CTDSP2: variants seen among roughly 807,000 people sequenced by gnomAD.
The protein encoded by CTDSP2 is CTD small phosphatase 2, also known as carboxy-terminal domain RNA polymerase II polypeptide A small phosphatase 2.
CTDSP2 carries 9 observed loss-of-function variants against 31.6 expected under a neutral mutation model. That is an observed-to-expected ratio of 0.28 (90% CI 0.17 to 0.50). CTDSP2 has a LOEUF of 0.50. Ranked by LOEUF, CTDSP2 falls within the 20% of genes least tolerant of loss-of-function variation. CTDSP2 has a pLI of 0.98. For missense variants in CTDSP2, 267 were observed against 348.5 expected (o/e 0.77, Z 1.86); for synonymous variants, 134 against 134.5 (o/e 1.00, Z 0.03).
intron 5 of CTDSP2, 160 bp from the exon 6 acceptor site, chr12:57,824,479 A>G: frequency 3.0e-6 from 2 of 675,450 alleles, no homozygotes; most frequent in South Asian, 3.2e-5. Flanking sequence ...GAGACCCCAC[A>G]GACCCGGAGA....
intron 1 of CTDSP2, among the ~76,000 whole-genome samples, chr12:57,832,606 A>G (rs1170732359): frequency 6.6e-6 from 1 of 152,076 alleles, no homozygotes; most frequent in East Asian, 1.9e-4. Flanking sequence ...AGCCTGGCCA[A>G]CATGGTGAAA....
chr12:57,836,568 G>C (rs1956248688), intron 1 of CTDSP2, among the ~76,000 whole-genome samples: 1 of 152,076 alleles, frequency 6.6e-6, no homozygotes. Context: ...CCGGAGCCCA[G>C]GAGTTTGAGG....
chr12:57,833,450 C>T (rs1334760256), intron 1 of CTDSP2, among the ~76,000 whole-genome samples: 1 of 152,220 alleles, frequency 6.6e-6, no homozygotes, highest in African/African-American at 2.4e-5. Context: ...CCTCATTCCC[C>T]ACTCCCTTGA....
At chr12:57,834,764 G>A (rs1214969046) in intron 1 of CTDSP2, among the ~76,000 whole-genome samples, 4 of 152,328 alleles carry the variant, frequency 2.6e-5, no homozygotes, top group East Asian at 3.9e-4. Flanking sequence ...TGCCTTTCCA[G>A]GAGAGGAACA....
chr12:57,833,218 A>G (rs981881792), intron 1 of CTDSP2, among the ~76,000 whole-genome samples: 16 of 152,222 alleles, frequency 1.1e-4, no homozygotes, highest in Admixed American at 4.6e-4. Flanking sequence ...GGGCATGGAA[A>G]GGCCTGGCTT....
intron 5 of CTDSP2, 39 bp from the exon 6 acceptor site, chr12:57,824,358 T>C (rs375423154): frequency 1.3e-6 from 2 of 1,490,018 alleles, no homozygotes; most frequent in Admixed American, 3.4e-5. Context: ...GGCATCCCTG[T>C]GATGAAGGTT....
intron 1 of CTDSP2, among the ~76,000 whole-genome samples, chr12:57,840,971 T>G (rs1223420551): frequency 2.0e-5 from 3 of 152,206 alleles, no homozygotes; most frequent in Non-Finnish European, 2.9e-5. Context: ...GCTGGGCATT[T>G]TGCCAGACAA....
chr12:57,837,658 T>A (rs559596653), intron 1 of CTDSP2, among the ~76,000 whole-genome samples: 25 of 152,196 alleles, frequency 1.6e-4, no homozygotes, highest in Middle Eastern at 3.4e-3. Context: ...ACCATTGCAC[T>A]CCAGCCTGGG....
intron 1 of CTDSP2, among the ~76,000 whole-genome samples, chr12:57,843,026 AC>A (rs1956292099): frequency 6.6e-6 from 1 of 152,190 alleles, no homozygotes; most frequent in Non-Finnish European, 1.5e-5. Context: ...AGCTATCAGA[AC>A]CTGTCCAGTT....
chr12:57,826,600 CT>C (rs1196014983), intron 4 of CTDSP2, among the ~76,000 whole-genome samples, 198 bp from the exon 5 acceptor site: 1 of 152,238 alleles, frequency 6.6e-6, no homozygotes, highest in African/African-American at 2.4e-5. Context: ...CACCTCCACT[CT>C]GACAAATTCT....
chr12:57,826,755 T>C (rs140258266), intron 4 of CTDSP2, among the ~76,000 whole-genome samples: 1 of 152,304 alleles, frequency 6.6e-6, no homozygotes, highest in Non-Finnish European at 1.5e-5. Context: ...CGGGGGCAGA[T>C]GCAGCCTGTT....
intron 1 of CTDSP2, among the ~76,000 whole-genome samples, chr12:57,830,254 G>A (rs543453558): frequency 4.6e-5 from 7 of 152,050 alleles, no homozygotes; most frequent in East Asian, 1.9e-4. Flanking sequence ...GTGAGGTGGC[G>A]GGTGCTTGTA....
In CTDSP2 at chr12:57,820,728, T is replaced by A. The variant is rs186554163; in HGVS notation, c.*2874A>T. ...CTCTCTAGTAAGGGACCCATGGGCC[T>A]ACAGAGTGTTCCCTCTACAATGTGC... On this transcript the variant is annotated 3_prime_UTR_variant, in exon 8 of 8. Coordinates refer to ENST00000398073, the MANE Select transcript of CTDSP2 (RefSeq NM_005730.4). 1.3e-4 allele frequency: 20 copies of A among 152,672 alleles called. No individual in the cohort carries two copies. The highest frequency in any genetic ancestry group is 4.8e-4 in the African/African-American group (20 of 41,584). The allele number at this position is 152,672 out of a possible 1,614,324, so 9.5% of individuals were successfully genotyped here. A position where few individuals can be genotyped will look rare whatever the true frequency, so the allele number is the denominator to read the frequency against.
Position 57,830,114 on chromosome 12 carries a change from A to G in CTDSP2, c.65-518T>C, listed in dbSNP as rs541273377. On this transcript the variant is annotated intron_variant, in intron 1 of 7. Coordinates refer to ENST00000398073, the MANE Select transcript of CTDSP2 (RefSeq NM_005730.4). The stretch of plus-strand genomic sequence containing the variant: ...AAACTTCAGGATAGAGGCCAGGTGC[A>G]GTGGCTCACGCCTGTAATTCCAGCA... Among the ~76,000 whole-genome samples, 6 of 152,310 alleles carry G rather than the reference A, an allele frequency of 3.9e-5. No homozygotes were observed. In the East Asian group the frequency reaches 5.8e-4, roughly 15 times the overall value.
In CTDSP2 at chr12:57,846,619, G is replaced by T; in HGVS notation, c.-184C>A. On this transcript the variant is annotated 5_prime_UTR_variant, in exon 1 of 8. Transcript: ENST00000398073. The stretch of plus-strand genomic sequence containing the variant: ...AAGGGAGGCGGCCTGTACAAAGGGC[G>T]GGCGGCCCGGGCAGCGGCTCCCCCG... 2.0e-6 allele frequency: 1 copy of T among 489,462 alleles called. No individual in the cohort carries two copies. The highest frequency in any genetic ancestry group is 3.5e-6 in the Non-Finnish European group (1 of 289,612). The allele number at this position is 489,462 out of a possible 1,614,324, so 30.3% of individuals were successfully genotyped here. A position where few individuals can be genotyped will look rare whatever the true frequency, so the allele number is the denominator to read the frequency against.
chr12:57,835,696 G>T (rs1956243578), intron 1 of CTDSP2, among the ~76,000 whole-genome samples: 1 of 152,214 alleles, frequency 6.6e-6, no homozygotes, highest in South Asian at 2.1e-4. Context: ...AAGCAGCTCT[G>T]GCTTAAGAAG....
Position 57,826,354 on chromosome 12 carries a change from T to C in CTDSP2, c.403A>G (p.Thr135Ala). 1 of 1,613,990 alleles carries C rather than the reference T, an allele frequency of 6.2e-7. No homozygotes were observed. The highest frequency in any genetic ancestry group is 8.5e-7 in the Non-Finnish European group (1 of 1,179,976). The stretch of plus-strand genomic sequence containing the variant: ...TCTGGCTGGCAGCTCACCTGGTGAG[T>C]GGTCCCCTCAATCTCTATAGGCACT... ...FIVPIEIEGT[T>A]HQVYVLKRPY... The change falls in exon 5 of 8, where the codon ACT becomes GCT. Residue 135 changes from threonine to alanine, a missense_variant. By Grantham distance (58) the Thr-to-Ala change is moderately conservative. This residue lies in a region of CTDSP2 where 156 missense variants were observed against 241.3 expected (regional missense o/e 0.65). Transcript: ENST00000398073.
intron 5 of CTDSP2, 123 bp from the exon 6 acceptor site, chr12:57,824,442 TACCTG>T: frequency 2.6e-6 from 2 of 775,318 alleles, no homozygotes; most frequent in Non-Finnish European, 4.5e-6. Context: ...CCTCCTGGGC[TACCTG>T]GCTGGAAGCC....
chr12:57,838,361 C>T (rs558591237), intron 1 of CTDSP2, among the ~76,000 whole-genome samples: 2 of 152,314 alleles, frequency 1.3e-5, no homozygotes, highest in Non-Finnish European at 2.9e-5. Flanking sequence ...CTATGTAGCA[C>T]CAGCCAGAGC....
Sources: gnomAD v4.1 joint callset for allele counts (sites outside exome capture counted in the v4.1 genomes callset) on GRCh38, gnomAD v4.1.1 for gene constraint, gnomAD v4.1.1 regional missense constraint, MANE v1.5 for transcripts, NCBI Gene and HGNC (gene_info 2026-07-23, HGNC 2026-07-21) for gene names.